Variants in ACACA observed in about 807,000 individuals in gnomAD.
ACACA encodes acetyl-CoA carboxylase 1.
ACACA carries 103 observed loss-of-function variants against 296.1 expected under a neutral mutation model. That is an observed-to-expected ratio of 0.35 (90% confidence interval 0.30 to 0.41). The LOEUF is 0.41. Ranked by LOEUF, ACACA falls within the 10% of genes least tolerant of loss-of-function variation. The pLI is 1.00. For synonymous variants in ACACA, 953 were observed against 1,038.6 expected (o/e 0.92, Z 1.58); for missense variants, 1,554 against 2,989.7 (o/e 0.52, Z 11.20).
chr17:37,102,940 T>C (rs1325608878), intron 52 of ACACA, among the ~76,000 whole-genome samples: 1 of 152,170 alleles, frequency 6.6e-6, no homozygotes, highest in African/African-American at 2.4e-5. Context: ...GTAATGCCTC[T>C]GATTATGGTT....
At chr17:37,328,927 G>C in intron 3 of ACACA, 1 of 398,558 alleles carries the variant, frequency 2.5e-6, no homozygotes. Flanking sequence ...GGCTCCCCGA[G>C]GTGATTCTGA....
rs137883990 is a variant in ACACA at position 37,087,388 on chromosome 17, C to T, written c.7080G>A (p.Thr2360=). The T allele has an allele frequency of 6.8e-6, 11 of 1,613,820 alleles. No individual in the cohort carries two copies. The highest frequency in any genetic ancestry group is 1.1e-5 in the South Asian group (1 of 91,074). Residue 2360 remains threonine, a synonymous_variant, in exon 56 of 56, where the codon ACG becomes ACA. Coordinates refer to ENST00000616317, the MANE Select transcript of ACACA (RefSeq NM_198834.3). ...EVAMDSIIHM[T]QHISPTQRAE... Reference sequence around the variant, plus strand: ...CTCGCTGAGTGGGTGATATGTGCTGCGTCATATGGATGATGGAATCCATGG... The same window carrying T: ...CTCGCTGAGTGGGTGATATGTGCTGTGTCATATGGATGATGGAATCCATGG...
At chr17:37,146,256 T>C (rs1430458709) in intron 45 of ACACA, among the ~76,000 whole-genome samples, 1 of 152,108 alleles carries the variant, frequency 6.6e-6, no homozygotes. Context: ...AGATGGAGTA[T>C]AGCCATAAAA....
At chr17:37,181,084 G>T in intron 40 of ACACA, 117 bp downstream of exon 40, 1 of 1,070,432 alleles carries the variant, frequency 9.3e-7, no homozygotes, top group Non-Finnish European at 1.4e-6. Flanking sequence ...TGAAAACAGT[G>T]TCAAGATATT....
Position 37,406,461 on chromosome 17 carries a change from G to A in ACACA, c.-162C>T. The A allele has an allele frequency of 4.2e-6, 3 of 716,774 alleles. No individual in the cohort carries two copies. The highest frequency in any genetic ancestry group is 1.5e-5 in the South Asian group (1 of 65,342). 44.4% of individuals were successfully genotyped at this position (716,774 alleles called of 1,614,324 possible). Reference sequence around the variant, plus strand: ...ATCCACGAGCAGCCCTTCGGGGCCCGGACTGGAGAGGCGCCACGGCTCGCC... The same window carrying A: ...ATCCACGAGCAGCCCTTCGGGGCCCAGACTGGAGAGGCGCCACGGCTCGCC... On this transcript the variant is annotated 5_prime_UTR_variant, in exon 1 of 56. Coordinates refer to ENST00000616317, the MANE Select transcript of ACACA (RefSeq NM_198834.3).
chr17:37,268,152 T>TG (rs2081879116), intron 10 of ACACA, among the ~76,000 whole-genome samples: 1 of 152,246 alleles, frequency 6.6e-6, no homozygotes, highest in Non-Finnish European at 1.5e-5. Context: ...TCTCATTATA[T>TG]AAACCCTCTG....
At chr17:37,167,269 T>C (rs2076709046) in intron 41 of ACACA, among the ~76,000 whole-genome samples, 2 of 142,056 alleles carry the variant, frequency 1.4e-5, no homozygotes, top group African/African-American at 5.5e-5. Context: ...AATGGTATTT[T>C]CTTTTTTTTT....
At chr17:37,386,313 C>T (rs1307849199) in intron 1 of ACACA, among the ~76,000 whole-genome samples, 2 of 151,932 alleles carry the variant, frequency 1.3e-5, no homozygotes, top group African/African-American at 4.8e-5. Context: ...TTCTCTAGGC[C>T]GGGTGCTGTG....
At chr17:37,380,342 G>A (rs949804007) in intron 1 of ACACA, among the ~76,000 whole-genome samples, 1 of 151,346 alleles carries the variant, frequency 6.6e-6, no homozygotes, top group Non-Finnish European at 1.5e-5. Context: ...GAGTTAGTGG[G>A]TGCAGCGCAC....
At chr17:37,385,703 C>T (rs1010716733) in intron 1 of ACACA, among the ~76,000 whole-genome samples, 10 of 151,926 alleles carry the variant, frequency 6.6e-5, no homozygotes, top group African/African-American at 2.2e-4. Context: ...GTTTTTATGG[C>T]CTTCATCTTT....
chr17:37,375,750 T>A (rs1180436468), intron 1 of ACACA, among the ~76,000 whole-genome samples: 1 of 152,202 alleles, frequency 6.6e-6, no homozygotes, highest in African/African-American at 2.4e-5. Context: ...TGCATGTAAA[T>A]GTCTACGTGT....
At chr17:37,400,273 C>G (rs1172969909) in intron 1 of ACACA, among the ~76,000 whole-genome samples, 1 of 152,070 alleles carries the variant, frequency 6.6e-6, no homozygotes, top group African/African-American at 2.4e-5. Flanking sequence ...GCATGCACCA[C>G]CACGCCTGGC....
At chr17:37,225,134 C>G in intron 26 of ACACA, 29 bp from the exon 27 acceptor site, 2 of 1,323,796 alleles carry the variant, frequency 1.5e-6, no homozygotes, top group Non-Finnish European at 2.2e-6. Flanking sequence ...AGGAGGCACA[C>G]ATTCCTCGGA....
At chr17:37,328,146 A>G (rs1471873751) in intron 3 of ACACA, among the ~76,000 whole-genome samples, 1 of 152,228 alleles carries the variant, frequency 6.6e-6, no homozygotes, top group Non-Finnish European at 1.5e-5. Flanking sequence ...ACCTGTATGG[A>G]CGGGAAAGTA....
chr17:37,111,298 C>T (rs1211531845), intron 52 of ACACA, among the ~76,000 whole-genome samples: 1 of 152,054 alleles, frequency 6.6e-6, no homozygotes, highest in Non-Finnish European at 1.5e-5. Flanking sequence ...TTTTTGTACT[C>T]TAAGGAAATA....
intron 1 of ACACA, among the ~76,000 whole-genome samples, chr17:37,365,045 T>G (rs936398783): frequency 1.3e-5 from 2 of 152,136 alleles, no homozygotes; most frequent in East Asian, 3.9e-4. Context: ...TGCTGTCAGA[T>G]CACTGCAACC....
In ACACA at chr17:37,277,170, C is replaced by T. The variant is rs892854376; in HGVS notation, c.721-56G>A. On this transcript the variant is annotated intron_variant, in intron 6 of 55. Coordinates refer to ENST00000616317, the MANE Select transcript of ACACA (RefSeq NM_198834.3). The stretch of plus-strand genomic sequence containing the variant: ...AAAATTCATACAAAACCCCCACAAA[C>T]TGCAAGAGTCTCTATCCAGGCTGGC... 4.8e-6 allele frequency: 7 copies of T among 1,470,464 alleles called. No individual in the cohort carries two copies. In the Admixed American group the frequency reaches 8.4e-5, roughly 18 times the overall value. 91.1% of individuals were successfully genotyped at this position (1,470,464 alleles called of 1,614,324 possible). A position where few individuals can be genotyped will look rare whatever the true frequency, so the allele number is the denominator to read the frequency against.
intron 54 of ACACA, 92 bp from the exon 55 acceptor site, chr17:37,089,166 A>G (rs2072436020): frequency 1.3e-6 from 2 of 1,561,284 alleles, no homozygotes; most frequent in African/African-American, 1.4e-5. Context: ...GCTTACTCCA[A>G]AAGTGTGCTC....
At chr17:37,159,372 C>A (rs1485604061) in intron 42 of ACACA, among the ~76,000 whole-genome samples, 1 of 151,884 alleles carries the variant, frequency 6.6e-6, no homozygotes, top group Non-Finnish European at 1.5e-5. Flanking sequence ...CAGACGTGTG[C>A]TACCATGACC....
Sources: gnomAD v4.1 joint callset for allele counts (sites outside exome capture counted in the v4.1 genomes callset) on GRCh38, gnomAD v4.1.1 for gene constraint, MANE v1.5 for transcripts, NCBI Gene and HGNC (gene_info 2026-07-23, HGNC 2026-07-21) for gene names.